Variants in RFC3 observed in about 807,000 individuals in gnomAD.
RFC3 encodes replication factor C subunit 3, also known as A1 38 kDa subunit.
A neutral mutation model predicts 45.1 loss-of-function variants in RFC3; 41 were observed. That is an observed-to-expected ratio of 0.91 (90% CI 0.71 to 1.18). RFC3 has a LOEUF of 1.18. Ranked by LOEUF, RFC3 falls within the 50% of genes most tolerant of loss-of-function variation. RFC3 has a pLI of 0.00. For missense variants in RFC3, 423 were observed against 428.1 expected (o/e 0.99, Z 0.10); for synonymous variants, 149 against 144.0 (o/e 1.03, Z -0.25).
chr13:33,953,405 A>C (rs958612968), intron 8 of RFC3, among the ~76,000 whole-genome samples: 1 of 151,906 alleles, frequency 6.6e-6, no homozygotes, highest in South Asian at 2.1e-4. Flanking sequence ...TAGTGACTCA[A>C]TGGCAATGTT....
Position 33,830,752 on chromosome 13 carries a change from G to A in RFC3, c.607G>A (p.Glu203Lys), listed in dbSNP as rs751409779. ...CGTGTTATCTACTGTGTGTAAGAAGGAAGGTCTGAATCTTCCTTCACAACT... is the reference window on the plus strand; with the variant it reads ...CGTGTTATCTACTGTGTGTAAGAAGAAAGGTCTGAATCTTCCTTCACAACT... ...CHVLSTVCKKEGLNLPSQLAH... is the reference protein window; with the variant it reads ...CHVLSTVCKKKGLNLPSQLAH... The change falls in exon 6 of 9, where the codon GAA becomes AAA. Residue 203 changes from glutamate (E) to lysine (K), a missense_variant. Glu to Lys is a moderately conservative substitution (Grantham distance 56). Coordinates refer to ENST00000380071, the MANE Select transcript of RFC3 (RefSeq NM_002915.4). The A allele has an allele frequency of 6.2e-7, 1 of 1,612,986 alleles. No individual in the cohort carries two copies.
chr13:33,923,373 G>A (rs1426846680), intron 8 of RFC3, among the ~76,000 whole-genome samples: 1 of 152,084 alleles, frequency 6.6e-6, no homozygotes, highest in Non-Finnish European at 1.5e-5. Context: ...GCCAGGAATA[G>A]CCACAAAAGG....
At chr13:33,971,754 T>C in the RFC3 span, among the ~76,000 whole-genome samples, 1 of 152,240 alleles carries the variant, frequency 6.6e-6, no homozygotes, top group South Asian at 2.1e-4. Context: ...CAATTATAAG[T>C]CATGATTAAA....
chr13:33,882,703 G>A (rs550824431), intron 8 of RFC3, among the ~76,000 whole-genome samples: 138 of 152,244 alleles, frequency 9.1e-4, no homozygotes, highest in African/African-American at 3.1e-3. Flanking sequence ...TTGTGTTTTT[G>A]TTAAAGCAGC....
intron 8 of RFC3, among the ~76,000 whole-genome samples, chr13:33,898,289 G>A (rs1348755341): frequency 2.0e-5 from 3 of 151,782 alleles, no homozygotes; most frequent in Non-Finnish European, 4.4e-5. Context: ...ATCCAAAAAA[G>A]TAGAAACCAT....
intron 2 of RFC3, among the ~76,000 whole-genome samples, chr13:33,821,679 T>G (rs918471400): frequency 6.6e-6 from 1 of 152,210 alleles, no homozygotes; most frequent in Non-Finnish European, 1.5e-5. Context: ...GGCAACTGAC[T>G]GACTGGGAAA....
At chr13:33,902,117 G>A (rs2082645351) in intron 8 of RFC3, among the ~76,000 whole-genome samples, 1 of 152,018 alleles carries the variant, frequency 6.6e-6, no homozygotes, top group African/African-American at 2.4e-5. Flanking sequence ...GTGAATATAT[G>A]GGCAGGAGAC....
At chr13:33,886,906 T>C (rs1273558261) in intron 8 of RFC3, among the ~76,000 whole-genome samples, 1 of 150,104 alleles carries the variant, frequency 6.7e-6, no homozygotes, top group Non-Finnish European at 1.5e-5. Context: ...GTTCTTGCGA[T>C]AGTTTACTGA....
intron 8 of RFC3, among the ~76,000 whole-genome samples, chr13:33,877,667 TATG>T (rs2082457292): frequency 6.7e-6 from 1 of 150,266 alleles, no homozygotes; most frequent in African/African-American, 2.4e-5. Flanking sequence ...AACATTGTAT[TATG>T]ATGGATTATA....
At chr13:33,923,243 A>G (rs2082780980) in intron 8 of RFC3, among the ~76,000 whole-genome samples, 1 of 152,090 alleles carries the variant, frequency 6.6e-6, no homozygotes, top group Admixed American at 6.6e-5. Flanking sequence ...GAGAGAGACC[A>G]AAGAGACAGC....
At chr13:33,904,751 GC>G (rs1373348797) in intron 8 of RFC3, among the ~76,000 whole-genome samples, 1 of 151,904 alleles carries the variant, frequency 6.6e-6, no homozygotes, top group African/African-American at 2.4e-5. Flanking sequence ...CATTTAACAT[GC>G]CCACGTCTCC....
intron 8 of RFC3, among the ~76,000 whole-genome samples, chr13:33,875,098 A>G (rs1225372422): frequency 6.6e-6 from 1 of 152,264 alleles, no homozygotes; most frequent in Non-Finnish European, 1.5e-5. Flanking sequence ...CAGTCATTCT[A>G]CAAATAATTA....
At chr13:33,849,019 A>G (rs1470879970) in intron 8 of RFC3, 1 of 151,910 alleles carries the variant, frequency 6.6e-6, no homozygotes, top group Non-Finnish European at 1.5e-5. Flanking sequence ...TTTACAGCCT[A>G]TCACGAAGAG....
At position 33,943,905 on chromosome 13, in the gene RFC3, A is replaced by T. The variant is rs143460582; in HGVS notation, c.880-22182A>T. On this transcript the variant is annotated intron_variant, in intron 8 of 8. Transcript: ENST00000434425. ...TGGGCAGAAGCAAGCTTTCAAGGGG[A>T]GGTAAACATACAAGGGCATGAGTCA... Among the ~76,000 whole-genome samples the T allele has an allele frequency of 7.2e-4, 110 of 152,290 alleles. 2 individuals are homozygous for T. The East Asian group carries it at 0.015, about 21-fold the overall frequency.
intron 8 of RFC3, among the ~76,000 whole-genome samples, chr13:33,893,641 A>G (rs2082577416): frequency 6.6e-6 from 1 of 152,102 alleles, no homozygotes; most frequent in African/African-American, 2.4e-5. Flanking sequence ...CAGAAAATCA[A>G]TGCAGAAATT....
chr13:33,842,290 G>GAA (rs760733297), downstream of RFC3, among the ~76,000 whole-genome samples: 3 of 138,316 alleles, frequency 2.2e-5, no homozygotes, highest in African/African-American at 5.3e-5. Flanking sequence ...CCTGTCTCAG[G>GAA]AAAAAAAAAA....
chr13:33,848,894 T>C (rs1392213103), intron 8 of RFC3: 1 of 152,232 alleles, frequency 6.6e-6, no homozygotes, highest in African/African-American at 2.4e-5. Context: ...AAGGGCAACT[T>C]CTATCCATTC....
chr13:33,968,408 G>A (rs2083097527), downstream of RFC3, among the ~76,000 whole-genome samples: 1 of 152,226 alleles, frequency 6.6e-6, no homozygotes, highest in South Asian at 2.1e-4. Context: ...GATTACAGGT[G>A]TGCCACCACG....
chr13:33,819,091 C>T (rs566690145), intron 1 of RFC3, among the ~76,000 whole-genome samples: 130 of 152,030 alleles, frequency 8.6e-4, no homozygotes, highest in African/African-American at 2.9e-3. Flanking sequence ...GGGGTTTCAC[C>T]ACGTTGGCCA....
Sources: allele counts gnomAD v4.1 joint callset (sites outside exome capture counted in the v4.1 genomes callset), GRCh38; gene constraint gnomAD v4.1.1; transcripts MANE v1.5; gene names NCBI Gene and HGNC (gene_info 2026-07-23, HGNC 2026-07-21).